The following IFI44L variants were observed in gnomAD, a reference collection of about 807,000 sequenced individuals.
The protein encoded by IFI44L is interferon induced protein 44 like.
In IFI44L, 40 loss-of-function variants were observed where a neutral mutation model predicts 39.3. The ratio of observed to expected loss-of-function variants is 1.02; its 90% CI spans 0.79 to 1.33. The LOEUF (loss-of-function observed/expected upper bound fraction) is 1.33. IFI44L is among the 40% of genes most tolerant of loss of function. The pLI, the probability that IFI44L is intolerant of heterozygous loss-of-function variation, is 0.00. For missense variants in IFI44L, 623 were observed against 549.0 expected, an observed-to-expected ratio of 1.13 and a Z score of -1.35; for synonymous variants, 198 against 182.3, an observed-to-expected ratio of 1.09 and a Z score of -0.69.
intron 4 of IFI44L, among the ~76,000 whole-genome samples, chr1:78,635,052 G>A (rs1392287022): frequency 2.0e-5 from 3 of 148,848 alleles, no homozygotes; most frequent in South Asian, 2.1e-4. Flanking sequence ...ATACACACAC[G>A]TTTTACATGA....
At chr1:78,620,649 A>C (rs183327607) in intron 1 of IFI44L, 78 bp downstream of exon 1, 5 of 152,324 alleles carry the variant, frequency 3.3e-5, no homozygotes, top group Non-Finnish European at 7.4e-5. Flanking sequence ...ACAAGCATAC[A>C]ATGTAATGAC....
Position 78,627,900 on chromosome 1 carries a change from C to A in IFI44L, c.-10-6C>A. Reference sequence around the variant, plus strand: ...GCTTCTCAACCTATAATTGTTTTTCCATTAGATATAGAACAATGGAAGTGA... The same window carrying A: ...GCTTCTCAACCTATAATTGTTTTTCAATTAGATATAGAACAATGGAAGTGA... On this transcript the variant is annotated splice_region_variant and splice_polypyrimidine_tract_variant and intron_variant, in intron 1 of 8. Transcript: ENST00000370751. 6 of 1,476,346 alleles carry A rather than the reference C, an allele frequency of 4.1e-6. No individual in the cohort carries two copies. Among genetic ancestry groups the A allele is most frequent in the Non-Finnish European group, 5.4e-6 (6 of 1,103,232 alleles). 91.5% of individuals were successfully genotyped at this position (1,476,346 alleles called of 1,614,324 possible). A position where few individuals can be genotyped will look rare whatever the true frequency, so the allele number is the denominator to read the frequency against.
In IFI44L at chr1:78,645,606, A is replaced by G. The variant is rs1647037408; in HGVS notation, c.*3797A>G. 6.6e-6 allele frequency: 1 copy of G among 152,184 alleles called. No homozygotes were observed. Among genetic ancestry groups the G allele is most frequent in the Non-Finnish European group, 1.5e-5 (1 of 68,040 alleles). The allele number at this position is 152,184 out of a possible 1,614,324, so 9.4% of individuals were successfully genotyped here. A position where few individuals can be genotyped will look rare whatever the true frequency, so the allele number is the denominator to read the frequency against. ...ACATAACTCAATCTAATGCTAAGGT[A>G]CCCACAAGATGGCAAGGCTGATCAA... On this transcript the variant is annotated 3_prime_UTR_variant, in exon 9 of 9. Coordinates refer to ENST00000370751, the MANE Select transcript of IFI44L (RefSeq NM_006820.4).
chr1:78,638,893 T>C (rs376683387), intron 6 of IFI44L, among the ~76,000 whole-genome samples: 23 of 152,292 alleles, frequency 1.5e-4, no homozygotes, highest in Middle Eastern at 3.4e-3. Flanking sequence ...TTTAATTGCA[T>C]CTTCGATATT....
At chr1:78,631,715 T>A (rs887603332) in intron 4 of IFI44L, 3 of 152,182 alleles carry the variant, frequency 2.0e-5, no homozygotes, top group African/African-American at 7.2e-5. Context: ...AAAGTGAAAT[T>A]TGTGGACCCC....
intron 6 of IFI44L, among the ~76,000 whole-genome samples, chr1:78,640,272 G>T (rs1439325893): frequency 6.6e-6 from 1 of 152,060 alleles, no homozygotes; most frequent in East Asian, 1.9e-4. Context: ...GAATTACATT[G>T]CAACAGAGGT....
At chr1:78,640,452 A>G (rs1231960756) in intron 6 of IFI44L, among the ~76,000 whole-genome samples, 1 of 152,158 alleles carries the variant, frequency 6.6e-6, no homozygotes, top group Non-Finnish European at 1.5e-5. Flanking sequence ...AGAAGGTACT[A>G]AAAGCCCTGT....
chr1:78,624,685 A>G (rs1652418266), intron 1 of IFI44L, among the ~76,000 whole-genome samples: 1 of 152,054 alleles, frequency 6.6e-6, no homozygotes, highest in South Asian at 2.1e-4. Flanking sequence ...GGCTATCAAA[A>G]TCTCCTTCTC....
At chr1:78,638,187 A>G (rs1653021769) in intron 6 of IFI44L, among the ~76,000 whole-genome samples, 1 of 152,146 alleles carries the variant, frequency 6.6e-6, no homozygotes, top group Non-Finnish European at 1.5e-5. Context: ...CTTAATGACT[A>G]ATGACATTGA....
chr1:78,625,829 A>G lies in IFI44L; in HGVS notation c.-10-2077A>G, dbSNP rs575743400. ...TATCTTCATTGTATAAGTTTTAACA[A>G]GTATCTTTTGTCATTTAATTAAATT... On this transcript the variant is annotated intron_variant, in intron 1 of 8. Coordinates refer to ENST00000370751, the MANE Select transcript of IFI44L (RefSeq NM_006820.4). 4 of 152,046 alleles carry G rather than the reference A, an allele frequency of 2.6e-5. No homozygotes were observed. The South Asian group carries it at 6.2e-4, about 24-fold the overall frequency. 9.4% of individuals were successfully genotyped at this position (152,046 alleles called of 1,614,324 possible).
intron 6 of IFI44L, 133 bp downstream of exon 6, chr1:78,637,336 G>C: frequency 3.1e-6 from 2 of 639,910 alleles, no homozygotes; most frequent in Admixed American, 3.5e-5. Context: ...ATCGGAGGGA[G>C]AGATCATTCA....
In IFI44L at chr1:78,646,137, T is replaced by A. The variant is rs1384292680; in HGVS notation, c.*4328T>A. The stretch of plus-strand genomic sequence containing the variant: ...TTTTTAAAATAAATGCAAAGAAGCA[T>A]ACATCCAAGCCACTGAGCTCATTTG... On this transcript the variant is annotated 3_prime_UTR_variant, in exon 9 of 9. Coordinates refer to ENST00000370751, the MANE Select transcript of IFI44L (RefSeq NM_006820.4). The A allele has an allele frequency of 6.6e-6, 1 of 152,204 alleles. No homozygotes were observed. The highest frequency in any genetic ancestry group is 1.5e-5 in the Non-Finnish European group (1 of 68,026). 9.4% of individuals were successfully genotyped at this position (152,204 alleles called of 1,614,324 possible).
At chr1:78,622,788 A>G (rs1426495365) in intron 1 of IFI44L, among the ~76,000 whole-genome samples, 3 of 152,224 alleles carry the variant, frequency 2.0e-5, no homozygotes, top group African/African-American at 7.2e-5. Flanking sequence ...ATCATTAGCT[A>G]GCAAGAAATG....
In IFI44L at chr1:78,627,961, C is replaced by T. The variant is rs369648433; in HGVS notation, c.46C>T (p.Arg16Cys). 107 of 1,609,406 alleles carry T rather than the reference C, an allele frequency of 6.6e-5. No individual in the cohort carries two copies. Among genetic ancestry groups the T allele is most frequent in the Middle Eastern group, 1.7e-4 (1 of 6,058 alleles). ...GACATGGAATGATGAAAATCATCTG[C>T]GCAAGCTGCTTGGAAATGTTTCTTT... is the stretch of plus-strand genomic sequence containing the variant. The part of the protein sequence containing the change: ...RLTWNDENHL[R>C]KLLGNVSLSL... Residue 16 changes from arginine (R) to cysteine (C), a missense_variant, in exon 2 of 9, where the codon CGC becomes TGC. Coordinates refer to ENST00000370751, the MANE Select transcript of IFI44L (RefSeq NM_006820.4).
chr1:78,645,487 G>T lies in IFI44L; in HGVS notation c.*3678G>T, dbSNP rs534477038. The T allele has an allele frequency of 6.6e-6, 1 of 152,248 alleles. No individual in the cohort carries two copies. The highest frequency in any genetic ancestry group is 1.9e-4 in the East Asian group (1 of 5,180). The allele number at this position is 152,248 out of a possible 1,614,324, so 9.4% of individuals were successfully genotyped here. ...ATTGCTTTTTCATAAAACAAGACAG[G>T]TCTACAATTAATTTATTTTGACGCA... On this transcript the variant is annotated 3_prime_UTR_variant, in exon 9 of 9. Transcript: ENST00000370751.
At chr1:78,635,967 CTT>C (rs772798804) in intron 5 of IFI44L, 190 of 122,824 alleles carry the variant, frequency 1.5e-3, no homozygotes, top group Middle Eastern at 4.4e-3. Context: ...CTCTCTCGGT[CTT>C]TTTTTTTTTT....
intron 1 of IFI44L, 22 bp from the exon 2 acceptor site, chr1:78,627,884 C>A: frequency 7.3e-7 from 1 of 1,368,638 alleles, no homozygotes; most frequent in Non-Finnish European, 9.8e-7. Context: ...AGCTTCTCAA[C>A]CTATAATTGT....
chr1:78,623,396 G>GTTTTTT (rs71078508), intron 1 of IFI44L, among the ~76,000 whole-genome samples: 126 of 121,208 alleles, frequency 1.0e-3, no homozygotes, highest in African/African-American at 1.6e-3. Flanking sequence ...AGTGTTTTTT[G>GTTTTTT]TTTTTTTTTT....
intron 5 of IFI44L, chr1:78,635,759 T>C: frequency 2.3e-6 from 1 of 430,036 alleles, no homozygotes; most frequent in East Asian, 4.9e-5. Context: ...TTATCACTCT[T>C]TACAATAATG....
Sources: gnomAD v4.1 joint callset for allele counts (sites outside exome capture counted in the v4.1 genomes callset) on GRCh38, gnomAD v4.1.1 for gene constraint, MANE v1.5 for transcripts, NCBI Gene and HGNC (gene_info 2026-07-23, HGNC 2026-07-21) for gene names.